The following MTX2 variants were observed in gnomAD, a reference collection of about 807,000 sequenced individuals.
MTX2 encodes the protein metaxin 2, also known as metaxin-2.
Under a neutral mutation model 42.3 loss-of-function variants are expected in MTX2, and 35 were observed. That is an observed-to-expected ratio of 0.83 (90% CI 0.63 to 1.10). The LOEUF is 1.10. Ranked by LOEUF, MTX2 falls within the 50% of genes least tolerant of loss-of-function variation. The probability of loss-of-function intolerance (pLI) is 0.00; values close to 1 mark genes in which losing one functional copy is unlikely to be tolerated. For missense variants in MTX2, 307 were observed against 304.1 expected (o/e 1.01, Z -0.07); for synonymous variants, 119 against 100.9 (o/e 1.18, Z -1.08).
intron 1 of MTX2, among the ~76,000 whole-genome samples, chr2:176,296,353 T>G (rs1043357851): frequency 1.3e-5 from 2 of 152,136 alleles, no homozygotes; most frequent in African/African-American, 4.8e-5. Flanking sequence ...TGCCAGATTG[T>G]GGGGAAAGAT....
At chr2:176,325,695 TAGTATAGTAGTTACAAA>T in intron 4 of MTX2, among the ~76,000 whole-genome samples, 1 of 151,784 alleles carries the variant, frequency 6.6e-6, no homozygotes, top group African/African-American at 2.4e-5. Flanking sequence ...ATAATTCTGG[TAGTATAGTAGTTACAAA>T]GATTTTATCC....
chr2:176,275,962 G>C (rs552550010), intron 1 of MTX2, among the ~76,000 whole-genome samples: 33 of 152,350 alleles, frequency 2.2e-4, no homozygotes, highest in Middle Eastern at 3.4e-3. Flanking sequence ...TATGGATTTT[G>C]AAGTGAAAGG....
intron 1 of MTX2, among the ~76,000 whole-genome samples, chr2:176,291,553 G>A (rs1174323594): frequency 6.6e-6 from 1 of 152,084 alleles, no homozygotes; most frequent in Non-Finnish European, 1.5e-5. Flanking sequence ...GCTTGTAAAA[G>A]GAGTGTTTGA....
intron 3 of MTX2, 150 bp from the exon 4 acceptor site, chr2:176,323,242 A>G (rs546437644): frequency 4.6e-6 from 3 of 645,484 alleles, no homozygotes; most frequent in East Asian, 5.5e-5. Context: ...TTGTTTGGAA[A>G]ACAAATCCTT....
At chr2:176,290,327 C>A (rs1319483793) in intron 1 of MTX2, among the ~76,000 whole-genome samples, 1 of 152,098 alleles carries the variant, frequency 6.6e-6, no homozygotes, top group South Asian at 2.1e-4. Context: ...GTGTGTTCCC[C>A]CCGCAAGCTT....
chr2:176,278,013 T>C (rs1220715741), intron 1 of MTX2, among the ~76,000 whole-genome samples: 1 of 150,624 alleles, frequency 6.6e-6, no homozygotes, highest in East Asian at 2.0e-4. Flanking sequence ...TATTTTATTA[T>C]ACTGTATTGC....
chr2:176,271,392 T>G (rs181667836), intron 1 of MTX2, among the ~76,000 whole-genome samples: 4 of 152,174 alleles, frequency 2.6e-5, no homozygotes, highest in Non-Finnish European at 5.9e-5. Flanking sequence ...GAGAAGAAAT[T>G]GGCAGATTTG....
chr2:176,329,346 CAT>C lies in MTX2; in HGVS notation c.466_467del (p.Ile156PhefsTer12). The C allele has an allele frequency of 6.2e-7, 1 of 1,607,700 alleles. No individual in the cohort carries two copies. On this transcript the variant is annotated frameshift_variant, in exon 8 of 10. Transcript: ENST00000249442. LOFTEE classifies it high-confidence loss of function. ...ATCTCCTTACCCTTGGCCTCTGAATCATATTTTGGCCTATCAAAAACAGTGGG... is the reference window on the plus strand; with the variant it reads ...ATCTCCTTACCCTTGGCCTCTGAATCATTTTGGCCTATCAAAAACAGTGGG... ...YGSPYPWPLNHILAYQKQWEV... is the reference protein window; with the variant it reads ...YGSPYPWPLNXILAYQKQWEV...
At chr2:176,323,330 A>G in intron 3 of MTX2, 62 bp from the exon 4 acceptor site, 1 of 1,376,252 alleles carries the variant, frequency 7.3e-7, no homozygotes, top group African/African-American at 1.4e-5. Flanking sequence ...AATGCATACA[A>G]ATTTCTGTTC....
intron 1 of MTX2, among the ~76,000 whole-genome samples, chr2:176,289,237 A>G (rs1008504739): frequency 1.3e-5 from 2 of 152,190 alleles, no homozygotes; most frequent in Middle Eastern, 3.4e-3. Context: ...GTGCATTTCT[A>G]ACATTTATGC....
intron 3 of MTX2, among the ~76,000 whole-genome samples, chr2:176,299,511 A>G (rs1054113063): frequency 6.6e-6 from 1 of 152,238 alleles, no homozygotes; most frequent in South Asian, 2.1e-4. Flanking sequence ...AGAAAAAAGG[A>G]CCTTTTACAA....
chr2:176,325,533 A>G (rs921929622), intron 4 of MTX2, among the ~76,000 whole-genome samples: 1 of 151,814 alleles, frequency 6.6e-6, no homozygotes, highest in African/African-American at 2.4e-5. Flanking sequence ...AAGAAAAGAA[A>G]AAAAATACAA....
In MTX2 at chr2:176,323,432, G is replaced by T. The variant is rs762837945; in HGVS notation, c.176G>T (p.Cys59Phe). The change falls in exon 4 of 10, where the codon TGT becomes TTT. Residue 59 changes from cysteine (C) to phenylalanine (F), a missense_variant. Physicochemically the swap from Cys to Phe is radical, Grantham distance 205. Coordinates refer to ENST00000249442, the MANE Select transcript of MTX2 (RefSeq NM_006554.5). Reference sequence around the variant, plus strand: ...TGTAACTTGCCTATCAAAGTAGTTTGTAGGGCAAATGCAGAATATATGTCT... The same window carrying T: ...TGTAACTTGCCTATCAAAGTAGTTTTTAGGGCAAATGCAGAATATATGTCT... ...QMCNLPIKVV[C>F]RANAEYMSPS... 11 of 1,611,316 alleles carry T rather than the reference G, an allele frequency of 6.8e-6. No homozygotes were observed. The highest frequency in any genetic ancestry group is 7.6e-6 in the Non-Finnish European group (9 of 1,178,246).
Position 176,314,787 on chromosome 2 carries a change from T to A in MTX2, c.136-8605T>A, listed in dbSNP as rs372041894. On this transcript the variant is annotated intron_variant, in intron 3 of 9. Coordinates refer to ENST00000249442, the MANE Select transcript of MTX2 (RefSeq NM_006554.5). The stretch of plus-strand genomic sequence containing the variant: ...GTAAATTTTCAGAAGATTATACTGC[T>A]CTTATGGGACAGCTTCTTAAAACTT... Among the ~76,000 whole-genome samples, 45 of 152,332 alleles carry A rather than the reference T, an allele frequency of 3.0e-4. No individual in the cohort carries two copies. In the East Asian group the frequency reaches 6.4e-3, roughly 22 times the overall value.
Position 176,331,744 on chromosome 2 carries a change from T to A in MTX2, c.620+1084T>A, listed in dbSNP as rs191776486. 3.1e-3 allele frequency among the ~76,000 whole-genome samples: 464 copies of A among 151,320 alleles called. 5 individuals carry two copies. The highest frequency in any genetic ancestry group is 0.01 in the African/African-American group (421 of 41,478). On this transcript the variant is annotated intron_variant, in intron 9 of 9. Transcript: ENST00000249442. ...AGTGATGTTTGCTCTACAGATTCTA[T>A]TTTTCAGTCCCTAACACAAGAGAAA...
intron 9 of MTX2, 78 bp downstream of exon 9, chr2:176,330,738 T>C: frequency 3.1e-6 from 3 of 967,112 alleles, no homozygotes; most frequent in Non-Finnish European, 4.7e-6. Flanking sequence ...AAAGAATTGC[T>C]TTTTCAAGAA....
chr2:176,330,272 ATGTACT>A (rs1684828722), intron 8 of MTX2, among the ~76,000 whole-genome samples: 1 of 150,664 alleles, frequency 6.6e-6, no homozygotes, highest in African/African-American at 2.4e-5. Flanking sequence ...AGTAACTTAA[ATGTACT>A]TGTATTTTGA....
chr2:176,323,070 A>G (rs1012963708), intron 3 of MTX2, among the ~76,000 whole-genome samples: 1 of 152,004 alleles, frequency 6.6e-6, no homozygotes. Context: ...ACTTAAGAAA[A>G]TTAAAGCTAT....
chr2:176,271,763 T>G (rs561693689), intron 1 of MTX2, among the ~76,000 whole-genome samples: 54 of 152,314 alleles, frequency 3.5e-4, no homozygotes, highest in African/African-American at 1.3e-3. Flanking sequence ...GGGGTTTATC[T>G]GATAGAAATG....
Sources: allele counts gnomAD v4.1 joint callset (sites outside exome capture counted in the v4.1 genomes callset), GRCh38; gene constraint gnomAD v4.1.1; transcripts MANE v1.5; gene names NCBI Gene and HGNC (gene_info 2026-07-23, HGNC 2026-07-21).